The following DNAJC6 variants were observed in gnomAD, a reference collection of about 807,000 sequenced individuals.
The protein encoded by DNAJC6 is DnaJ heat shock protein family (Hsp40) member C6.
Under a neutral mutation model 110.0 loss-of-function variants are expected in DNAJC6, and 34 were observed. That is an observed-to-expected ratio of 0.31 (90% CI 0.24 to 0.41). The LOEUF (loss-of-function observed/expected upper bound fraction) is 0.41, where lower values mean the gene tolerates loss of function less well. Among genes scored for constraint, DNAJC6 ranks in the 10% least tolerant of loss-of-function variants. The probability of loss-of-function intolerance (pLI) is 1.00; values close to 1 mark genes in which losing one functional copy is unlikely to be tolerated. For synonymous variants in DNAJC6, 406 were observed against 437.2 expected (o/e 0.93, Z 0.89); for missense variants, 1,031 against 1,207.8 (o/e 0.85, Z 2.17).
At chr1:65,352,206 C>T (rs980549694) in intron 1 of DNAJC6, among the ~76,000 whole-genome samples, 4 of 152,166 alleles carry the variant, frequency 2.6e-5, no homozygotes, top group Non-Finnish European at 5.9e-5. Flanking sequence ...CATAGGGATA[C>T]ATTGCTAATA....
At position 65,415,754 on chromosome 1, in the gene DNAJC6, A is replaced by G. The variant is rs556144950; in HGVS notation, c.*2729A>G. ...TACATGTGGAAGAATGTTCAAGTTG[A>G]ATCCTAATGCCGTGAATGAAACACA... On this transcript the variant is annotated 3_prime_UTR_variant, in exon 19 of 19. Coordinates refer to ENST00000371069, the MANE Select transcript of DNAJC6 (RefSeq NM_001256864.2). 2.6e-5 allele frequency: 4 copies of G among 152,344 alleles called. No homozygotes were observed. In the South Asian group the frequency reaches 8.3e-4, roughly 32 times the overall value. The allele number at this position is 152,344 out of a possible 1,614,324, so 9.4% of individuals were successfully genotyped here. A position where few individuals can be genotyped will look rare whatever the true frequency, so the allele number is the denominator to read the frequency against.
upstream of DNAJC6, among the ~76,000 whole-genome samples, chr1:65,307,008 C>CTATATATA (rs1489991278): frequency 2.1e-5 from 2 of 93,192 alleles, no homozygotes; most frequent in African/African-American, 9.6e-5. Flanking sequence ...CTCTCTCTCT[C>CTATATATA]TCTCTCTCTC....
intron 1 of DNAJC6, among the ~76,000 whole-genome samples, chr1:65,313,894 T>G (rs1645125304): frequency 6.6e-6 from 1 of 152,154 alleles, no homozygotes; most frequent in Admixed American, 6.5e-5. Context: ...CACTGCACTA[T>G]CCCAATGCCG....
At chr1:65,406,237 A>T in intron 16 of DNAJC6, 104 bp downstream of exon 16, 1 of 1,439,758 alleles carries the variant, frequency 6.9e-7, no homozygotes, top group Non-Finnish European at 9.4e-7. Context: ...GGGTAGTTTC[A>T]ATTCAGTAGT....
rs1653260726 is a variant in DNAJC6 at position 65,264,812 on chromosome 1, G to A, written c.-251G>A. ...GAGTGCTCCTCCGTTGAGAGACTTC[G>A]CCCCCGAGACCGCTGACTGTGAATG... On this transcript the variant is annotated 5_prime_UTR_variant, in exon 1 of 20. Transcript: ENST00000263441. The A allele has an allele frequency of 5.0e-5, 78 of 1,557,174 alleles. 2 individuals are homozygous for A. The South Asian group carries it at 8.4e-4, about 17-fold the overall frequency.
upstream of DNAJC6, among the ~76,000 whole-genome samples, chr1:65,308,925 T>C (rs773594962): frequency 1.1e-5 from 1 of 90,586 alleles, no homozygotes; most frequent in Non-Finnish European, 2.3e-5. Context: ...CTTTGATATC[T>C]CCCTTAGGGA....
intron 1 of DNAJC6, among the ~76,000 whole-genome samples, chr1:65,345,004 A>C (rs1439502497): frequency 6.6e-6 from 1 of 152,198 alleles, no homozygotes; most frequent in African/African-American, 2.4e-5. Flanking sequence ...ATGCTACCAC[A>C]TCCACCTCCA....
At chr1:65,334,282 T>C (rs530973532) in intron 1 of DNAJC6, among the ~76,000 whole-genome samples, 1 of 152,242 alleles carries the variant, frequency 6.6e-6, no homozygotes, top group Non-Finnish European at 1.5e-5. Flanking sequence ...TGAGGTCTTT[T>C]AAAATGGCTT....
intron 1 of DNAJC6, among the ~76,000 whole-genome samples, chr1:65,351,920 A>T (rs1645493524): frequency 6.6e-6 from 1 of 151,940 alleles, no homozygotes; most frequent in African/African-American, 2.4e-5. Context: ...GTCCACCACC[A>T]TGCCCGGCTA....
At chr1:65,308,285 G>T (rs753754966), upstream of DNAJC6, among the ~76,000 whole-genome samples, 1 of 152,174 alleles carries the variant, frequency 6.6e-6, no homozygotes, top group South Asian at 2.1e-4. Flanking sequence ...TTACATGCAC[G>T]TACTTTTTTC....
chr1:65,364,659 C>T lies in DNAJC6; in HGVS notation c.218C>T (p.Pro73Leu). The change falls in exon 2 of 19, where the codon CCC becomes CTC. Residue 73 changes from proline to leucine, a missense_variant. By Grantham distance (98) the Pro-to-Leu change is moderately conservative. Coordinates refer to ENST00000371069, the MANE Select transcript of DNAJC6 (RefSeq NM_001256864.2). ...GGTGCCTCATCTCCAGACATGGAGC[C>T]CAGCTATGGGGGAGGTCTCTTTGAC... is the stretch of plus-strand genomic sequence containing the variant. ...SSGASSPDME[P>L]SYGGGLFDMV... 6.2e-7 allele frequency: 1 copy of T among 1,610,372 alleles called. No homozygotes were observed. The highest frequency in any genetic ancestry group is 8.5e-7 in the Non-Finnish European group (1 of 1,178,826).
At chr1:65,395,710 G>A (rs1027993927) in intron 13 of DNAJC6, among the ~76,000 whole-genome samples, 3 of 152,064 alleles carry the variant, frequency 2.0e-5, no homozygotes, top group African/African-American at 7.2e-5. Context: ...AATTTCAATA[G>A]TGTCTTTTTA....
intron 1 of DNAJC6, among the ~76,000 whole-genome samples, chr1:65,295,925 A>G (rs944426169): frequency 6.6e-6 from 1 of 152,212 alleles, no homozygotes; most frequent in African/African-American, 2.4e-5. Flanking sequence ...CAACACCACT[A>G]TGCTCTCCAA....
chr1:65,378,806 T>C (rs747794972), intron 4 of DNAJC6, among the ~76,000 whole-genome samples: 1 of 152,228 alleles, frequency 6.6e-6, no homozygotes, highest in Non-Finnish European at 1.5e-5. Context: ...CTTAGATGAT[T>C]GTTGCATGGA....
intron 1 of DNAJC6, among the ~76,000 whole-genome samples, chr1:65,266,506 G>A (rs142450213): frequency 3.3e-5 from 5 of 152,264 alleles, no homozygotes; most frequent in African/African-American, 1.2e-4. Context: ...CAGCCTTAGT[G>A]GGGAAGAAAA....
At chr1:65,266,063 G>A (rs1473686806) in intron 1 of DNAJC6, among the ~76,000 whole-genome samples, 1 of 152,244 alleles carries the variant, frequency 6.6e-6, no homozygotes, top group Non-Finnish European at 1.5e-5. Flanking sequence ...CACGCAGCCC[G>A]TTGGGCAGGT....
chr1:65,403,298 T>C (rs1646046372), intron 15 of DNAJC6, among the ~76,000 whole-genome samples: 1 of 152,206 alleles, frequency 6.6e-6, no homozygotes, highest in Non-Finnish European at 1.5e-5. Flanking sequence ...ACAGGTTAAG[T>C]AACATGCACA....
At chr1:65,398,511 A>G (rs1304983831) in intron 13 of DNAJC6, among the ~76,000 whole-genome samples, 1 of 152,214 alleles carries the variant, frequency 6.6e-6, no homozygotes, top group East Asian at 1.9e-4. Context: ...ATGGAGACAG[A>G]CACATGCTCA....
At chr1:65,294,424 A>G (rs1414667562) in intron 1 of DNAJC6, among the ~76,000 whole-genome samples, 1 of 152,160 alleles carries the variant, frequency 6.6e-6, no homozygotes, top group East Asian at 1.9e-4. Flanking sequence ...AAAATCACTT[A>G]ATTTTTTTGA....
Sources: gnomAD v4.1 joint callset for allele counts (sites outside exome capture counted in the v4.1 genomes callset) on GRCh38, gnomAD v4.1.1 for gene constraint, MANE v1.5 for transcripts, NCBI Gene and HGNC (gene_info 2026-07-23, HGNC 2026-07-21) for gene names.